C12orf42: variants seen among roughly 807,000 people sequenced by gnomAD.
C12orf42 encodes the protein uncharacterized protein C12orf42.
Under a neutral mutation model 21.6 loss-of-function variants are expected in C12orf42, and 25 were observed. That is an observed-to-expected ratio of 1.16 (90% CI 0.84 to 1.62). The LOEUF (loss-of-function observed/expected upper bound fraction) is 1.62, where lower values mean the gene tolerates loss of function less well. Among genes scored for constraint, C12orf42 ranks in the 40% most tolerant of loss-of-function variants. The pLI is 0.00. For missense variants in C12orf42, 483 were observed against 459.3 expected (o/e 1.05, Z -0.47); for synonymous variants, 174 against 175.0 (o/e 0.99, Z 0.05).
chr12:103,310,109 C>T (rs1313558714), intron 4 of C12orf42, among the ~76,000 whole-genome samples: 2 of 152,332 alleles, frequency 1.3e-5, no homozygotes, highest in East Asian at 3.9e-4. Flanking sequence ...GAGGTGGGCC[C>T]TGGTGGGAGG....
intron 2 of C12orf42, among the ~76,000 whole-genome samples, chr12:103,417,672 A>C (rs1183197286): frequency 1.3e-5 from 2 of 152,192 alleles, no homozygotes; most frequent in Non-Finnish European, 2.9e-5. Flanking sequence ...AAGATAAACT[A>C]TCTTAATTAT....
chr12:103,066,510 A>G, the C12orf42 span, among the ~76,000 whole-genome samples: 1 of 152,194 alleles, frequency 6.6e-6, no homozygotes, highest in East Asian at 1.9e-4. Context: ...ATATGCAGGC[A>G]CCATTCAAAA....
the C12orf42 span, among the ~76,000 whole-genome samples, chr12:103,154,811 G>A: frequency 1.0e-3 from 159 of 152,218 alleles, no homozygotes; most frequent in Admixed American, 1.9e-3. Flanking sequence ...AATGTTTGAC[G>A]TAATCTTTGC....
At chr12:103,256,052 C>CAAAA (rs1161719991) in intron 10 of C12orf42, among the ~76,000 whole-genome samples, 2 of 17,534 alleles carry the variant, frequency 1.1e-4, no homozygotes, top group Non-Finnish European at 1.7e-4. Flanking sequence ...GACTCTGTCT[C>CAAAA]AAAAAAAAAA....
intron 1 of C12orf42, among the ~76,000 whole-genome samples, chr12:103,493,927 A>G (rs1331144828): frequency 6.6e-6 from 1 of 152,218 alleles, no homozygotes; most frequent in Non-Finnish European, 1.5e-5. Context: ...CATCTTCAAG[A>G]TAAGTCATCT....
chr12:103,151,106 T>C, the C12orf42 span, among the ~76,000 whole-genome samples: 4 of 152,246 alleles, frequency 2.6e-5, no homozygotes, highest in Admixed American at 6.5e-5. Context: ...TTTTGTATTT[T>C]TAGTAGAGAT....
At chr12:103,527,247 G>T in the C12orf42 span, among the ~76,000 whole-genome samples, 2 of 152,158 alleles carry the variant, frequency 1.3e-5, no homozygotes, top group Non-Finnish European at 2.9e-5. Context: ...TTGAGAGCTG[G>T]ATCTGTGGCA....
intron 2 of C12orf42, among the ~76,000 whole-genome samples, chr12:103,409,464 A>G (rs2138866394): frequency 6.6e-6 from 1 of 152,326 alleles, no homozygotes; most frequent in East Asian, 1.9e-4. Context: ...TTTCTGAACA[A>G]TAGGACGGGC....
chr12:103,372,048 A>C (rs2045292363), intron 3 of C12orf42, among the ~76,000 whole-genome samples: 1 of 152,126 alleles, frequency 6.6e-6, no homozygotes, highest in South Asian at 2.1e-4. Flanking sequence ...ATAAGTGTCC[A>C]AAAGAGAAAC....
At chr12:103,100,608 G>A in the C12orf42 span, among the ~76,000 whole-genome samples, 70 of 152,236 alleles carry the variant, frequency 4.6e-4, no homozygotes, top group African/African-American at 1.6e-3. Context: ...CTATTGGTTG[G>A]CCCAAGGAAG....
At chr12:103,502,128 C>T in the C12orf42 span, among the ~76,000 whole-genome samples, 2 of 152,118 alleles carry the variant, frequency 1.3e-5, no homozygotes, top group African/African-American at 4.8e-5. Context: ...GTGGCTCCTC[C>T]CTTATCTTCT....
the C12orf42 span, among the ~76,000 whole-genome samples, chr12:103,141,243 A>C: frequency 6.6e-6 from 1 of 152,152 alleles, no homozygotes; most frequent in East Asian, 1.9e-4. Flanking sequence ...ATTAGAAAAG[A>C]AAAGAGAGAT....
At position 103,302,294 on chromosome 12, in the gene C12orf42, C is replaced by T. The variant is rs371322271; in HGVS notation, c.897G>A (p.Ala299=). 6.2e-7 allele frequency: 1 copy of T among 1,613,436 alleles called. No individual in the cohort carries two copies. Among genetic ancestry groups the T allele is most frequent in the Non-Finnish European group, 8.5e-7 (1 of 1,179,596 alleles). Residue 299 remains alanine (A), a synonymous_variant, in exon 6 of 6, where the codon GCG becomes GCA. Coordinates refer to ENST00000548883, the MANE Select transcript of C12orf42 (RefSeq NM_198521.5). The stretch of plus-strand genomic sequence containing the variant: ...CCAGATTGCCATGGAGGGAGGTGTC[C>T]GCCTGAGGCCTCCTGTCCCGCGGGG... ...PHTPRDRRPQ[A]DTSLHGNLAG...
At chr12:103,214,082 G>C in the C12orf42 span, among the ~76,000 whole-genome samples, 1 of 152,184 alleles carries the variant, frequency 6.6e-6, no homozygotes, top group Non-Finnish European at 1.5e-5. Flanking sequence ...TAAGCACTTT[G>C]TATGTAATAC....
At chr12:103,378,343 G>A (rs539575425) in intron 3 of C12orf42, among the ~76,000 whole-genome samples, 99 of 152,116 alleles carry the variant, frequency 6.5e-4, no homozygotes, top group African/African-American at 2.3e-3. Context: ...TCCATCTCGC[G>A]GTCCTGGAGT....
At chr12:103,497,786 T>C (rs995001097), upstream of C12orf42, among the ~76,000 whole-genome samples, 1 of 152,084 alleles carries the variant, frequency 6.6e-6, no homozygotes, top group Non-Finnish European at 1.5e-5. Flanking sequence ...AATTCCAACA[T>C]TTTGGGAGGC....
rs970133082 is a variant in C12orf42 at position 103,302,051 on chromosome 12, T to C, written c.*57A>G. ...ACATCTGAGGCCCTTTCTGTTGTTC[T>C]GAGCAGGCATTGATTTGAAGATGGG... is the stretch of plus-strand genomic sequence containing the variant. On this transcript the variant is annotated 3_prime_UTR_variant, in exon 6 of 6. Coordinates refer to ENST00000548883, the MANE Select transcript of C12orf42 (RefSeq NM_198521.5). 4.6e-6 allele frequency: 7 copies of C among 1,535,590 alleles called. No homozygotes were observed. Among genetic ancestry groups the C allele is most frequent in the Non-Finnish European group, 6.2e-6 (7 of 1,130,482 alleles).
At chr12:103,514,326 G>A in the C12orf42 span, among the ~76,000 whole-genome samples, 2 of 152,190 alleles carry the variant, frequency 1.3e-5, no homozygotes, top group African/African-American at 2.4e-5. Context: ...TATCAGATGG[G>A]TTGACAGGGG....
intron 4 of C12orf42, among the ~76,000 whole-genome samples, chr12:103,348,680 C>T (rs900125315): frequency 4.6e-5 from 7 of 152,044 alleles, no homozygotes; most frequent in Non-Finnish European, 1.0e-4. Flanking sequence ...AGTTTTGCAT[C>T]CTTAATGGTA....
Sources: gnomAD v4.1 joint callset for allele counts (sites outside exome capture counted in the v4.1 genomes callset) on GRCh38, gnomAD v4.1.1 for gene constraint, MANE v1.5 for transcripts, NCBI Gene and HGNC (gene_info 2026-07-23, HGNC 2026-07-21) for gene names.